Variants in CCBE1 observed in about 807,000 individuals in gnomAD.
CCBE1 encodes collagen and calcium binding EGF domains 1, also known as collagen and calcium-binding EGF domain-containing protein 1.
A neutral mutation model predicts 50.0 loss-of-function variants in CCBE1; 37 were observed. The observed-to-expected ratio is 0.74, with a 90% CI of 0.57 to 0.97. The LOEUF is 0.97. CCBE1 is among the 50% of genes least tolerant of loss of function. CCBE1 has a pLI of 0.00. For synonymous variants in CCBE1, 234 were observed against 203.7 expected (o/e 1.15, Z -1.27); for missense variants, 538 against 523.8 (o/e 1.03, Z -0.26).
At chr18:59,451,506 C>T (rs1160466923) in intron 6 of CCBE1, among the ~76,000 whole-genome samples, 1 of 151,740 alleles carries the variant, frequency 6.6e-6, no homozygotes, top group African/African-American at 2.4e-5. Flanking sequence ...GACAGAGACC[C>T]ATCTAAAAGT....
At chr18:59,607,661 A>G (rs994979483) in intron 2 of CCBE1, among the ~76,000 whole-genome samples, 16 of 152,190 alleles carry the variant, frequency 1.1e-4, no homozygotes, top group Non-Finnish European at 2.2e-4. Context: ...CTTGAAAGCT[A>G]ATGTTGCACA....
At chr18:59,686,886 T>C (rs778339995) in intron 2 of CCBE1, among the ~76,000 whole-genome samples, 6 of 152,224 alleles carry the variant, frequency 3.9e-5, no homozygotes, top group Non-Finnish European at 7.3e-5. Flanking sequence ...CTGTTGATAT[T>C]ACATTGTAAG....
chr18:59,534,237 A>G (rs762406713), intron 2 of CCBE1, among the ~76,000 whole-genome samples: 3 of 152,234 alleles, frequency 2.0e-5, no homozygotes, highest in Non-Finnish European at 2.9e-5. Context: ...TAACACACCT[A>G]TAACTTCGGT....
intron 1 of CCBE1, 111 bp downstream of exon 1, chr18:59,697,101 A>G: frequency 7.1e-7 from 1 of 1,405,984 alleles, no homozygotes; most frequent in Non-Finnish European, 9.7e-7. Flanking sequence ...CGGAGAAGTG[A>G]GGGCGTGCGG....
intron 2 of CCBE1, among the ~76,000 whole-genome samples, chr18:59,561,329 C>T (rs982013051): frequency 2.6e-5 from 4 of 152,192 alleles, no homozygotes; most frequent in Non-Finnish European, 2.9e-5. Flanking sequence ...CCCAAAATTA[C>T]GTCAGGCCTG....
chr18:59,583,050 C>T (rs1019598851), intron 2 of CCBE1, among the ~76,000 whole-genome samples: 1 of 151,914 alleles, frequency 6.6e-6, no homozygotes, highest in Admixed American at 6.6e-5. Context: ...AACTCCTGGG[C>T]TTAAGTGATC....
intron 2 of CCBE1, among the ~76,000 whole-genome samples, chr18:59,608,227 A>T (rs8091273): frequency 6.6e-6 from 1 of 152,042 alleles, no homozygotes; most frequent in East Asian, 1.9e-4. Context: ...ACTCAGTAGC[A>T]TTTGTCACGA....
intron 2 of CCBE1, among the ~76,000 whole-genome samples, chr18:59,607,578 A>G (rs1373346430): frequency 6.6e-6 from 1 of 152,222 alleles, no homozygotes; most frequent in Non-Finnish European, 1.5e-5. Flanking sequence ...CTGGATTTAG[A>G]CATTCATTCT....
chr18:59,604,882 T>C (rs920956143), intron 2 of CCBE1, among the ~76,000 whole-genome samples: 4 of 152,358 alleles, frequency 2.6e-5, no homozygotes, highest in East Asian at 3.9e-4. Context: ...GCTAAGATGC[T>C]TGATAGGTAG....
chr18:59,511,366 A>G (rs979013330), intron 2 of CCBE1, among the ~76,000 whole-genome samples: 1 of 152,226 alleles, frequency 6.6e-6, no homozygotes, highest in Admixed American at 6.5e-5. Context: ...ACATATTCAG[A>G]GCTCCTGAAA....
intron 2 of CCBE1, among the ~76,000 whole-genome samples, chr18:59,495,118 G>C (rs970112866): frequency 1.3e-5 from 2 of 152,134 alleles, no homozygotes; most frequent in African/African-American, 2.4e-5. Context: ...CTCCAGCCTG[G>C]GGCAACAGGT....
At chr18:59,457,478 C>G (rs143166685) in intron 5 of CCBE1, among the ~76,000 whole-genome samples, 1 of 152,162 alleles carries the variant, frequency 6.6e-6, no homozygotes, top group Non-Finnish European at 1.5e-5. Context: ...ACAATTCCCA[C>G]CACATGTGGC....
intron 2 of CCBE1, among the ~76,000 whole-genome samples, chr18:59,614,223 C>A (rs1206605229): frequency 1.3e-5 from 2 of 152,150 alleles, no homozygotes; most frequent in Admixed American, 1.3e-4. Context: ...CCGGCTCAAA[C>A]TCCTGACCTC....
chr18:59,649,494 A>G (rs905171470), intron 2 of CCBE1, among the ~76,000 whole-genome samples: 1 of 151,634 alleles, frequency 6.6e-6, no homozygotes. Context: ...AAGCACCATA[A>G]TAACAGACAG....
At chr18:59,530,540 A>G (rs575055328) in intron 2 of CCBE1, among the ~76,000 whole-genome samples, 59 of 151,934 alleles carry the variant, frequency 3.9e-4, no homozygotes, top group African/African-American at 1.4e-3. Context: ...CCTACAGGAC[A>G]TGCCATTATC....
At chr18:59,549,406 C>A (rs1915832190) in intron 2 of CCBE1, among the ~76,000 whole-genome samples, 1 of 152,120 alleles carries the variant, frequency 6.6e-6, no homozygotes, top group Non-Finnish European at 1.5e-5. Context: ...AATGAGCACC[C>A]CACCAAGGGC....
At chr18:59,477,200 A>G (rs1254160866) in intron 3 of CCBE1, among the ~76,000 whole-genome samples, 2 of 152,236 alleles carry the variant, frequency 1.3e-5, no homozygotes, top group African/African-American at 2.4e-5. Flanking sequence ...TTACTCCACA[A>G]CAGAGGGAAG....
rs2053924455 is a variant in CCBE1 at position 59,637,000 on chromosome 18, G to A, written c.212+59629C>T. Among the ~76,000 whole-genome samples, 2 of 152,126 alleles carry A rather than the reference G, an allele frequency of 1.3e-5. 1 individual carries two copies. Among genetic ancestry groups the A allele is most frequent in the South Asian group, 4.1e-4 (2 of 4,828 alleles). Reference sequence around the variant, plus strand: ...ATGAGGTTTGTGTGAACATTCCCCTGGGTAAAATTCTACAAGTTTTTGAAG... The same window carrying A: ...ATGAGGTTTGTGTGAACATTCCCCTAGGTAAAATTCTACAAGTTTTTGAAG... On this transcript the variant is annotated intron_variant, in intron 2 of 10. Transcript: ENST00000439986.
chr18:59,573,038 C>T (rs913260026), intron 2 of CCBE1, among the ~76,000 whole-genome samples: 1 of 151,802 alleles, frequency 6.6e-6, no homozygotes, highest in Non-Finnish European at 1.5e-5. Context: ...AATCCCTGCA[C>T]TTTGGGATAT....
Sources: allele counts gnomAD v4.1 joint callset (sites outside exome capture counted in the v4.1 genomes callset), GRCh38; gene constraint gnomAD v4.1.1; transcripts MANE v1.5; gene names NCBI Gene and HGNC (gene_info 2026-07-23, HGNC 2026-07-21).